Variants in AMPH observed in about 807,000 individuals in gnomAD.
The protein encoded by AMPH is amphiphysin (Stiff-Mann syndrome with breast cancer 128kD autoantigen).
In AMPH, 49 loss-of-function variants were observed where a neutral mutation model predicts 99.1. The ratio of observed to expected loss-of-function variants is 0.49; its 90% CI spans 0.39 to 0.63. The LOEUF (loss-of-function observed/expected upper bound fraction) is 0.63. AMPH is among the 20% of genes least tolerant of loss of function. AMPH has a pLI of 0.00. For synonymous variants in AMPH, 314 were observed against 317.3 expected (o/e 0.99, Z 0.11); for missense variants, 759 against 863.4 (o/e 0.88, Z 1.52).
chr7:38,463,674 C>A (rs1263280512), intron 9 of AMPH, among the ~76,000 whole-genome samples: 1 of 152,196 alleles, frequency 6.6e-6, no homozygotes, highest in East Asian at 1.9e-4. Flanking sequence ...GAAATAAACT[C>A]ACTAATTATT....
rs1205215850 is a variant in AMPH at position 38,464,135 on chromosome 7, C to T, written c.750-1022G>A. Reference sequence around the variant, plus strand: ...GTTGAAAAAAAGTGAAAGGAACATTCATTAAGTGGTCATGGCCCCGCTTTT... The same window carrying T: ...GTTGAAAAAAAGTGAAAGGAACATTTATTAAGTGGTCATGGCCCCGCTTTT... On this transcript the variant is annotated intron_variant, in intron 9 of 20. Transcript: ENST00000356264. The T allele has an allele frequency of 3.1e-6, 4 of 1,289,566 alleles. No homozygotes were observed. The African/African-American group carries it at 6.1e-5, about 20-fold the overall frequency. The allele number at this position is 1,289,566 out of a possible 1,614,324, so 79.9% of individuals were successfully genotyped here. A position where few individuals can be genotyped will look rare whatever the true frequency, so the allele number is the denominator to read the frequency against.
chr7:38,521,409 T>G (rs1366965981), intron 2 of AMPH, among the ~76,000 whole-genome samples: 1 of 152,148 alleles, frequency 6.6e-6, no homozygotes, highest in East Asian at 1.9e-4. Flanking sequence ...TAATCCCACC[T>G]ACTCAAGAGG....
intron 1 of AMPH, among the ~76,000 whole-genome samples, chr7:38,621,090 T>C (rs1465391510): frequency 6.6e-6 from 1 of 152,134 alleles, no homozygotes; most frequent in African/African-American, 2.4e-5. Context: ...GTGTCAGAGG[T>C]ATAGAATGCT....
chr7:38,570,231 A>C (rs1023653627), intron 1 of AMPH, among the ~76,000 whole-genome samples: 19 of 152,210 alleles, frequency 1.2e-4, no homozygotes, highest in Non-Finnish European at 1.9e-4. Context: ...CTATATTAGC[A>C]ATGCAGACTT....
At chr7:38,577,637 G>A (rs1270494329) in intron 1 of AMPH, among the ~76,000 whole-genome samples, 2 of 151,812 alleles carry the variant, frequency 1.3e-5, no homozygotes, top group Admixed American at 6.6e-5. Context: ...TAATAGGGAG[G>A]TGGTGAGAGA....
At chr7:38,415,238 A>G (rs1785337278) in intron 17 of AMPH, among the ~76,000 whole-genome samples, 1 of 152,238 alleles carries the variant, frequency 6.6e-6, no homozygotes, top group Non-Finnish European at 1.5e-5. Context: ...GCCTCTTTAC[A>G]AAAACAAAAC....
At chr7:38,445,484 A>T (rs184607945) in intron 11 of AMPH, among the ~76,000 whole-genome samples, 2 of 152,210 alleles carry the variant, frequency 1.3e-5, no homozygotes, top group Non-Finnish European at 2.9e-5. Flanking sequence ...AAAGAAAGCC[A>T]CATGCTGGGA....
chr7:38,589,727 A>G lies in AMPH; in HGVS notation c.69+41556T>C, dbSNP rs927120882. Among the ~76,000 whole-genome samples the G allele has an allele frequency of 3.9e-5, 6 of 152,216 alleles. No homozygotes were observed. The East Asian group carries it at 1.2e-3, about 29-fold the overall frequency. ...AGTATTTCATATTACGTAGCTCTCA[A>G]TTATTAATTGAGTATGTGAAAGTTT... On this transcript the variant is annotated intron_variant, in intron 1 of 20. Transcript: ENST00000356264.
chr7:38,584,061 T>A (rs1792560238), intron 1 of AMPH, among the ~76,000 whole-genome samples: 1 of 152,262 alleles, frequency 6.6e-6, no homozygotes, highest in Admixed American at 6.5e-5. Flanking sequence ...TATTTTTACA[T>A]GTGCATTTCT....
chr7:38,392,335 T>C (rs1784527117), intron 18 of AMPH, among the ~76,000 whole-genome samples: 1 of 149,672 alleles, frequency 6.7e-6, no homozygotes, highest in Middle Eastern at 3.5e-3. Flanking sequence ...GAGGCCATCC[T>C]GAGAGGGATT....
chr7:38,492,172 C>A (rs1403030969), intron 4 of AMPH, among the ~76,000 whole-genome samples: 1 of 152,212 alleles, frequency 6.6e-6, no homozygotes, highest in Non-Finnish European at 1.5e-5. Context: ...GATAAAGACT[C>A]CACTTCCCAG....
chr7:38,465,387 AAATAGTAC>A, intron 9 of AMPH, 72 bp downstream of exon 9: 1 of 1,251,544 alleles, frequency 8.0e-7, no homozygotes, highest in Non-Finnish European at 1.1e-6. Flanking sequence ...AGGATAAATA[AAATAGTAC>A]AGGCTGGTCC....
chr7:38,526,267 C>A (rs1584205541), intron 2 of AMPH, among the ~76,000 whole-genome samples: 1 of 149,648 alleles, frequency 6.7e-6, no homozygotes, highest in Admixed American at 6.7e-5. Context: ...TTCATGGTTT[C>A]TTTTCTTTTT....
chr7:38,453,363 T>A (rs1787106585), intron 11 of AMPH, among the ~76,000 whole-genome samples: 1 of 152,158 alleles, frequency 6.6e-6, no homozygotes, highest in Admixed American at 6.5e-5. Flanking sequence ...CATAAAGCAC[T>A]AGCAAAGCCT....
intron 2 of AMPH, among the ~76,000 whole-genome samples, chr7:38,521,474 T>C (rs73122271): frequency 0.048 from 7,282 of 152,132 alleles, 233 homozygotes; most frequent in African/African-American, 0.084. Context: ...TGAACAGAGA[T>C]AGCGCCACTT....
chr7:38,618,336 C>G (rs1302932943), intron 1 of AMPH, among the ~76,000 whole-genome samples: 1 of 151,088 alleles, frequency 6.6e-6, no homozygotes, highest in Non-Finnish European at 1.5e-5. Context: ...CATGGTGAAA[C>G]CCCATCTCTA....
chr7:38,392,364 G>C (rs1030409864), intron 18 of AMPH, among the ~76,000 whole-genome samples: 16 of 146,944 alleles, frequency 1.1e-4, no homozygotes, highest in Non-Finnish European at 1.9e-4. Flanking sequence ...AGTCAATGCA[G>C]GCCGGCCTGG....
intron 1 of AMPH, among the ~76,000 whole-genome samples, chr7:38,587,699 C>T (rs1467503652): frequency 6.6e-6 from 1 of 151,882 alleles, no homozygotes; most frequent in Admixed American, 6.6e-5. Flanking sequence ...CAAGAATGGC[C>T]CTGATTTGAT....
intron 3 of AMPH, 29 bp downstream of exon 3, chr7:38,503,621 A>G: frequency 6.2e-7 from 1 of 1,608,666 alleles, no homozygotes; most frequent in Non-Finnish European, 8.5e-7. Context: ...GTGCTAAGTA[A>G]CATGCAGTAA....
Sources: gnomAD v4.1 joint callset for allele counts (sites outside exome capture counted in the v4.1 genomes callset) on GRCh38, gnomAD v4.1.1 for gene constraint, MANE v1.5 for transcripts, NCBI Gene and HGNC (gene_info 2026-07-23, HGNC 2026-07-21) for gene names.